COL27A1: variants seen among roughly 807,000 people sequenced by gnomAD.
COL27A1 encodes the protein collagen alpha-1(XXVII) chain.
In COL27A1, 106 loss-of-function variants were observed where a neutral mutation model predicts 251.3. The observed-to-expected ratio is 0.42, with a 90% CI of 0.36 to 0.50. The LOEUF is 0.50. Among genes scored for constraint, COL27A1 ranks in the 20% least tolerant of loss-of-function variants. The probability of loss-of-function intolerance (pLI) is 0.00; values close to 1 mark genes in which losing one functional copy is unlikely to be tolerated. For synonymous variants in COL27A1, 1,000 were observed against 986.3 expected, an observed-to-expected ratio of 1.01 and a Z score of -0.26; for missense variants, 2,325 against 2,522.8, an observed-to-expected ratio of 0.92 and a Z score of 1.68.
intron 7 of COL27A1, among the ~76,000 whole-genome samples, chr9:114,204,495 TG>T (rs1324472332): frequency 6.6e-6 from 1 of 152,262 alleles, no homozygotes; most frequent in Non-Finnish European, 1.5e-5. Context: ...AGGTTGGTAC[TG>T]GGGCGTTGCC....
At chr9:114,198,124 T>C (rs1829288828) in intron 7 of COL27A1, among the ~76,000 whole-genome samples, 1 of 152,216 alleles carries the variant, frequency 6.6e-6, no homozygotes, top group South Asian at 2.1e-4. Context: ...GAGGTTAGCT[T>C]CCTCTTCGTG....
chr9:114,222,000 G>A (rs111978084), intron 13 of COL27A1, among the ~76,000 whole-genome samples: 27 of 152,318 alleles, frequency 1.8e-4, no homozygotes, highest in African/African-American at 6.0e-4. Context: ...TTGGAAGTCC[G>A]ACCTCCCCAT....
At chr9:114,276,103 G>C (rs532202116) in intron 37 of COL27A1, among the ~76,000 whole-genome samples, 2 of 152,130 alleles carry the variant, frequency 1.3e-5, no homozygotes, top group Non-Finnish European at 2.9e-5. Context: ...CTTTGCATGT[G>C]CTCTGTCTAG....
At chr9:114,178,190 C>A in intron 3 of COL27A1, 101 bp from the exon 4 acceptor site, 1 of 983,332 alleles carries the variant, frequency 1.0e-6, no homozygotes, top group Non-Finnish European at 1.6e-6. Context: ...CGCGGACTAT[C>A]CATGCCCACA....
At chr9:114,237,829 G>A (rs1832500800) in intron 19 of COL27A1, 114 bp downstream of exon 19, 1 of 812,188 alleles carries the variant, frequency 1.2e-6, no homozygotes, top group South Asian at 1.4e-5. Flanking sequence ...CAGGATATGA[G>A]AGATGAGGCT....
chr9:114,291,720 G>T (rs1417679478), intron 48 of COL27A1, among the ~76,000 whole-genome samples: 2 of 152,204 alleles, frequency 1.3e-5, no homozygotes, highest in African/African-American at 4.8e-5. Flanking sequence ...CTGCACTCCA[G>T]CCTGGGCGGC....
intron 13 of COL27A1, 82 bp downstream of exon 13, chr9:114,219,926 C>T: frequency 9.5e-7 from 1 of 1,048,722 alleles, no homozygotes; most frequent in Non-Finnish European, 1.5e-6. Context: ...GCTTTAGGGT[C>T]AGACAGACCT....
At chr9:114,277,777 G>A (rs1282938955) in intron 37 of COL27A1, among the ~76,000 whole-genome samples, 4 of 152,294 alleles carry the variant, frequency 2.6e-5, no homozygotes, top group African/African-American at 7.2e-5. Flanking sequence ...CCTTTCACCC[G>A]CCCCCTGCCC....
At chr9:114,169,602 A>G in intron 3 of COL27A1, 139 bp downstream of exon 3, 1 of 600,332 alleles carries the variant, frequency 1.7e-6, no homozygotes, top group Non-Finnish European at 2.7e-6. Context: ...CCTTGGCTCC[A>G]GCCAGGCCCC....
intron 16 of COL27A1, among the ~76,000 whole-genome samples, chr9:114,233,618 G>A (rs1055775955): frequency 4.6e-5 from 7 of 152,190 alleles, no homozygotes; most frequent in Non-Finnish European, 1.0e-4. Flanking sequence ...GGGAAAATGA[G>A]AGTGTAGGCA....
At chr9:114,249,588 G>T (rs1014452773) in intron 24 of COL27A1, among the ~76,000 whole-genome samples, 1 of 152,158 alleles carries the variant, frequency 6.6e-6, no homozygotes, top group African/African-American at 2.4e-5. Context: ...CTTTAAAACT[G>T]TCTTTAGATA....
intron 4 of COL27A1, among the ~76,000 whole-genome samples, 189 bp from the exon 5 acceptor site, chr9:114,182,833 C>T (rs1828036664): frequency 6.6e-6 from 1 of 152,224 alleles, no homozygotes; most frequent in Non-Finnish European, 1.5e-5. Context: ...GGATGTGCTT[C>T]CCACTGGGCC....
Position 114,205,136 on chromosome 9 carries a change from C to G in COL27A1, c.2159C>G (p.Pro720Arg), listed in dbSNP as rs35446342. 1.4e-3 allele frequency: 2,288 copies of G among 1,613,492 alleles called. 29 individuals carry two copies. In the African/African-American group the frequency reaches 0.028, roughly 20 times the overall value. The change falls in exon 8 of 61, where the codon CCC becomes CGC. Residue 720 changes from proline to arginine, a missense_variant. Transcript: ENST00000356083. ...GGCTATCCTGGACCGGCAGGGCACC[C>G]CGGAGAACAGGTGAGGGCCTCAGCC... ...HKGYPGPAGH[P>R]GEQGQPGPEG...
intron 16 of COL27A1, among the ~76,000 whole-genome samples, 157 bp from the exon 17 acceptor site, chr9:114,235,442 C>T (rs1252370474): frequency 2.6e-5 from 4 of 152,206 alleles, no homozygotes; most frequent in African/African-American, 7.2e-5. Flanking sequence ...GCTTTCCTCG[C>T]CAGGGGCCCG....
At chr9:114,209,363 G>T (rs376502647) in intron 10 of COL27A1, 2 of 651,292 alleles carry the variant, frequency 3.1e-6, no homozygotes, top group South Asian at 1.4e-5. Context: ...TAACCCAGCC[G>T]CGAGCTTCCT....
intron 54 of COL27A1, 94 bp from the exon 55 acceptor site, chr9:114,301,588 C>A: frequency 2.0e-6 from 3 of 1,525,166 alleles, no homozygotes; most frequent in Non-Finnish European, 2.7e-6. Flanking sequence ...GAACCATTGT[C>A]CCTGGGTCCC....
intron 2 of COL27A1, among the ~76,000 whole-genome samples, chr9:114,164,314 T>C (rs1055214762): frequency 3.3e-5 from 5 of 152,224 alleles, no homozygotes; most frequent in Non-Finnish European, 5.9e-5. Flanking sequence ...CCTGAAAAGT[T>C]TGGGCAAGAA....
intron 5 of COL27A1, among the ~76,000 whole-genome samples, chr9:114,192,283 G>T (rs1211989698): frequency 1.3e-5 from 2 of 152,176 alleles, no homozygotes; most frequent in Non-Finnish European, 2.9e-5. Flanking sequence ...ATCGAGGTGG[G>T]CACAGGCTGG....
chr9:114,215,478 C>G (rs955373896), intron 12 of COL27A1, among the ~76,000 whole-genome samples: 2 of 152,156 alleles, frequency 1.3e-5, no homozygotes, highest in African/African-American at 4.8e-5. Context: ...CCTATTTTCT[C>G]CTTGTCCCCT....
Sources: gnomAD v4.1 joint callset for allele counts (sites outside exome capture counted in the v4.1 genomes callset) on GRCh38, gnomAD v4.1.1 for gene constraint, MANE v1.5 for transcripts, NCBI Gene and HGNC (gene_info 2026-07-23, HGNC 2026-07-21) for gene names.